The following LMNA variants were observed in gnomAD, a reference collection of about 807,000 sequenced individuals.
LMNA encodes the protein lamin.
LMNA carries 20 observed loss-of-function variants against 70.4 expected under a neutral mutation model. The ratio of observed to expected loss-of-function variants is 0.28; its 90% CI spans 0.20 to 0.41. LMNA has a LOEUF of 0.41. Ranked by LOEUF, LMNA falls within the 10% of genes least tolerant of loss-of-function variation. LMNA has a pLI of 1.00. For synonymous variants in LMNA, 339 were observed against 372.8 expected, an observed-to-expected ratio of 0.91 and a Z score of 1.04; for missense variants, 652 against 917.2, an observed-to-expected ratio of 0.71 and a Z score of 3.73.
intron 3 of LMNA, among the ~76,000 whole-genome samples, chr1:156,094,996 A>C (rs954532692): frequency 2.7e-5 from 4 of 149,858 alleles, no homozygotes; most frequent in Non-Finnish European, 4.4e-5. Flanking sequence ...GCGTGCACTC[A>C]CTGCAACTTC....
chr1:156,131,949 C>A lies in LMNA; in HGVS notation c.513+1176C>A, dbSNP rs543359009. 1.8e-4 allele frequency among the ~76,000 whole-genome samples: 28 copies of A among 152,326 alleles called. 1 individual carries two copies. The South Asian group carries it at 5.6e-3, about 30-fold the overall frequency. On this transcript the variant is annotated intron_variant, in intron 2 of 11. Coordinates refer to ENST00000368300, the MANE Select transcript of LMNA (RefSeq NM_170707.4). ...CTTTGGGAGGCCAAGGCGGGTGGATCATTTGAGGTCAGGAGTTTGAGACCA... is the reference window on the plus strand; with the variant it reads ...CTTTGGGAGGCCAAGGCGGGTGGATAATTTGAGGTCAGGAGTTTGAGACCA...
chr1:156,118,322 C>T (rs1009811938), intron 1 of LMNA, among the ~76,000 whole-genome samples: 6 of 152,130 alleles, frequency 3.9e-5, no homozygotes, highest in African/African-American at 1.2e-4. Flanking sequence ...TGAGTGGATT[C>T]GATATTCTCT....
At chr1:156,087,776 C>A (rs1025485439) in intron 2 of LMNA, among the ~76,000 whole-genome samples, 6 of 152,022 alleles carry the variant, frequency 3.9e-5, no homozygotes, top group Admixed American at 6.6e-5. Context: ...TGGTCTTGAA[C>A]TCCTGGCCTC....
chr1:156,118,880 A>C (rs972109146), intron 1 of LMNA, among the ~76,000 whole-genome samples: 3 of 152,118 alleles, frequency 2.0e-5, no homozygotes, highest in African/African-American at 7.2e-5. Flanking sequence ...CACACTCAGG[A>C]GTTTGGGGGA....
chr1:156,127,468 G>T (rs1650682693), intron 1 of LMNA, among the ~76,000 whole-genome samples: 1 of 146,998 alleles, frequency 6.8e-6, no homozygotes, highest in Non-Finnish European at 1.5e-5. Context: ...TGCAGTGCTA[G>T]TCAAAACCTC....
chr1:156,093,252 C>T (rs1485759662), intron 3 of LMNA, among the ~76,000 whole-genome samples: 1 of 150,836 alleles, frequency 6.6e-6, no homozygotes, highest in Non-Finnish European at 1.5e-5. Context: ...CCTGACCCTT[C>T]ACCTGGCTAA....
At chr1:156,128,271 G>A (rs1280675414) in intron 1 of LMNA, among the ~76,000 whole-genome samples, 5 of 152,094 alleles carry the variant, frequency 3.3e-5, no homozygotes, top group Non-Finnish European at 5.9e-5. Context: ...GCAGCAGAAG[G>A]TGAAGAGGTT....
chr1:156,097,211 G>A (rs981145964), intron 3 of LMNA, among the ~76,000 whole-genome samples: 3 of 152,176 alleles, frequency 2.0e-5, no homozygotes, highest in Non-Finnish European at 2.9e-5. Context: ...CCATGACAAC[G>A]GTAGTGTTTG....
At chr1:156,124,290 T>A (rs1650396428) in intron 1 of LMNA, among the ~76,000 whole-genome samples, 1 of 151,606 alleles carries the variant, frequency 6.6e-6, no homozygotes, top group Non-Finnish European at 1.5e-5. Context: ...TTCCTCTCTC[T>A]CTCTCTCTTT....
Position 156,136,874 on chromosome 1 carries a change from GC to G in LMNA, c.1381-45del, listed in dbSNP as rs1465341230. 1 of 1,513,870 alleles carries G rather than the reference GC, an allele frequency of 6.6e-7. No individual in the cohort carries two copies. The highest frequency in any genetic ancestry group is 2.4e-5 in the East Asian group (1 of 42,526). 93.8% of individuals were successfully genotyped at this position (1,513,870 alleles called of 1,614,324 possible). ...GCCTTTGAGCAAGATACACCCAAGA[GC>G]CTGGGTGAGCCTCCCCGACCTTCCT... On this transcript the variant is annotated intron_variant, in intron 7 of 11. Coordinates refer to ENST00000368300, the MANE Select transcript of LMNA (RefSeq NM_170707.4). This position sits in a 1 kb window ranked among gnomAD's most constrained non-coding sequence, Gnocchi z 6.1.
In LMNA at chr1:156,126,087, C is replaced by G. The variant is rs575406599; in HGVS notation, c.357-4530C>G. The G allele has an allele frequency of 1.6e-4, 164 of 1,003,414 alleles. No individual in the cohort carries two copies. The South Asian group carries it at 3.4e-3, about 21-fold the overall frequency. 62.2% of individuals were successfully genotyped at this position (1,003,414 alleles called of 1,614,324 possible). On this transcript the variant is annotated intron_variant, in intron 1 of 11. Transcript: ENST00000368300. ...GAGGATACAGGAGAGCATTTGCCAC[C>G]AGGCGGACTCCCTGTACCCACCCGG...
chr1:156,119,105 C>T (rs1225000671), intron 1 of LMNA, among the ~76,000 whole-genome samples: 1 of 151,806 alleles, frequency 6.6e-6, no homozygotes, highest in African/African-American at 2.4e-5. Flanking sequence ...GCCACCATGC[C>T]CAGCTAATTT....
intron 3 of LMNA, among the ~76,000 whole-genome samples, chr1:156,096,992 C>T (rs1243065611): frequency 6.6e-6 from 1 of 152,214 alleles, no homozygotes; most frequent in Non-Finnish European, 1.5e-5. Flanking sequence ...TCCAGCCTAA[C>T]ACGGCAGGGA....
chr1:156,085,676 A>C (rs1410732008), intron 2 of LMNA, among the ~76,000 whole-genome samples: 1 of 152,256 alleles, frequency 6.6e-6, no homozygotes, highest in African/African-American at 2.4e-5. Context: ...GCAGGTCTCC[A>C]AAGATAAACA....
intron 3 of LMNA, among the ~76,000 whole-genome samples, chr1:156,102,081 C>G (rs111829350): frequency 6.6e-5 from 10 of 152,218 alleles, no homozygotes; most frequent in African/African-American, 2.4e-4. Flanking sequence ...CCTCGCCTTC[C>G]CTAGTCTCTC....
At chr1:156,084,341 G>GGGGGGGGGT (rs1648401818) in intron 2 of LMNA, among the ~76,000 whole-genome samples, 1 of 127,240 alleles carries the variant, frequency 7.9e-6, no homozygotes, top group Non-Finnish European at 1.7e-5. Flanking sequence ...GGGGTGGTGG[G>GGGGGGGGGT]GGCAGTTGGC....
intron 2 of LMNA, among the ~76,000 whole-genome samples, chr1:156,084,344 C>CCCCCCA (rs1648402530): frequency 1.4e-5 from 1 of 71,628 alleles, no homozygotes. Flanking sequence ...GTGGTGGGGG[C>CCCCCCA]AGTTGGCACA....
rs774555415 is a variant in LMNA, at chr1:156,135,004, G to T, written c.810+29G>T. Reference sequence around the variant, plus strand: ...CTTGCTCTCGATTGGTTCCCTCACTGCCTCTGCCCTTGGCAGCCCTACCCT... The same window carrying T: ...CTTGCTCTCGATTGGTTCCCTCACTTCCTCTGCCCTTGGCAGCCCTACCCT... On this transcript the variant is annotated intron_variant, in intron 4 of 11. Transcript: ENST00000368300. The surrounding 1 kb of genome is among the most constrained non-coding windows in gnomAD (Gnocchi z 4.8). 6.2e-7 allele frequency: 1 copy of T among 1,613,962 alleles called. No individual in the cohort carries two copies. The highest frequency in any genetic ancestry group is 2.2e-5 in the East Asian group (1 of 44,888).
Position 156,139,932 on chromosome 1 carries a change from G to A in LMNA, c.*826G>A. 8.4e-7 allele frequency: 1 copy of A among 1,189,872 alleles called. No homozygotes were observed. Among genetic ancestry groups the A allele is most frequent in the African/African-American group, 1.6e-5 (1 of 62,782 alleles). 73.7% of individuals were successfully genotyped at this position (1,189,872 alleles called of 1,614,324 possible). ...GAGAGGGAGGTCACTGGAAAGGGGA[G>A]AGCCTGCTGGCACCCACCGTGGAGG... On this transcript the variant is annotated 3_prime_UTR_variant, in exon 12 of 12. Coordinates refer to ENST00000368300, the MANE Select transcript of LMNA (RefSeq NM_170707.4).
Sources: allele counts gnomAD v4.1 joint callset (sites outside exome capture counted in the v4.1 genomes callset), GRCh38; gene constraint gnomAD v4.1.1; non-coding constraint Gnocchi (gnomAD v3.1); transcripts MANE v1.5; gene names NCBI Gene and HGNC (gene_info 2026-07-23, HGNC 2026-07-21).